SSH1: variants seen among roughly 807,000 people sequenced by gnomAD.
SSH1 encodes the protein protein phosphatase Slingshot homolog 1.
A neutral mutation model predicts 79.7 loss-of-function variants in SSH1; 43 were observed. The ratio of observed to expected loss-of-function variants is 0.54; its 90% CI spans 0.42 to 0.70. SSH1 has a LOEUF of 0.70. SSH1 is among the 30% of genes least tolerant of loss of function. The probability of loss-of-function intolerance (pLI) is 0.00; values close to 1 mark genes in which losing one functional copy is unlikely to be tolerated. For missense variants in SSH1, 1,206 were observed against 1,358.8 expected, an observed-to-expected ratio of 0.89 and a Z score of 1.77; for synonymous variants, 599 against 538.3, an observed-to-expected ratio of 1.11 and a Z score of -1.56.
chr12:108,857,525 G>C lies in SSH1; in HGVS notation c.-29C>G. 1 of 1,113,228 alleles carries C rather than the reference G, an allele frequency of 9.0e-7. No homozygotes were observed. Among genetic ancestry groups the C allele is most frequent in the South Asian group, 1.9e-5 (1 of 52,740 alleles). The allele number at this position is 1,113,228 out of a possible 1,614,324, so 69.0% of individuals were successfully genotyped here. On this transcript the variant is annotated 5_prime_UTR_variant, in exon 1 of 15. Coordinates refer to ENST00000326495, the MANE Select transcript of SSH1 (RefSeq NM_018984.4). This position sits in a 1 kb window ranked among gnomAD's most constrained non-coding sequence, Gnocchi z 4.7. ...TGCGGCGCGGTGCGAGGGCGCCACAGACGTCTCGAGCTAGAGCCGCCACCG... is the reference window on the plus strand; with the variant it reads ...TGCGGCGCGGTGCGAGGGCGCCACACACGTCTCGAGCTAGAGCCGCCACCG...
chr12:108,780,733 A>G lies in SSH1; in HGVS notation c.*7255T>C, dbSNP rs1324269108. The G allele has an allele frequency of 6.6e-6, 1 of 152,204 alleles. No homozygotes were observed. The highest frequency in any genetic ancestry group is 1.5e-5 in the Non-Finnish European group (1 of 68,046). 9.4% of individuals were successfully genotyped at this position (152,204 alleles called of 1,614,324 possible). On this transcript the variant is annotated 3_prime_UTR_variant, in exon 15 of 15. Coordinates refer to ENST00000326495, the MANE Select transcript of SSH1 (RefSeq NM_018984.4). Reference sequence around the variant, plus strand: ...ACAGAGAGGGCTGCATTATAGCTTGATAACACTATTAGAAGCATCCTGTGG... The same window carrying G: ...ACAGAGAGGGCTGCATTATAGCTTGGTAACACTATTAGAAGCATCCTGTGG...
intron 14 of SSH1, among the ~76,000 whole-genome samples, chr12:108,790,434 G>A (rs940859809): frequency 6.6e-6 from 1 of 152,042 alleles, no homozygotes; most frequent in Non-Finnish European, 1.5e-5. Flanking sequence ...ACAGGCGTGC[G>A]GCACCATGCC....
chr12:108,824,787 T>G (rs2038253155), intron 2 of SSH1, among the ~76,000 whole-genome samples: 2 of 152,222 alleles, frequency 1.3e-5, no homozygotes, highest in African/African-American at 2.4e-5. Flanking sequence ...TTCACTTTCA[T>G]GACTTGGCTA....
At chr12:108,826,394 C>T (rs2038309756) in intron 2 of SSH1, 2 of 309,170 alleles carry the variant, frequency 6.5e-6, no homozygotes, top group African/African-American at 4.4e-5. Flanking sequence ...AATCAAGTAA[C>T]AGGCATTTAC....
chr12:108,798,950 T>G (rs772473805), intron 13 of SSH1, 50 bp downstream of exon 13: 1 of 1,599,160 alleles, frequency 6.3e-7, no homozygotes, highest in South Asian at 1.1e-5. Flanking sequence ...CTTGGCCACA[T>G]GGCTGCTCCA....
At chr12:108,796,395 AC>A (rs2036753229) in intron 13 of SSH1, among the ~76,000 whole-genome samples, 1 of 151,532 alleles carries the variant, frequency 6.6e-6, no homozygotes, top group Non-Finnish European at 1.5e-5. Flanking sequence ...CCACCATTCT[AC>A]TCTCTGTGAC....
intron 2 of SSH1, among the ~76,000 whole-genome samples, chr12:108,832,390 T>C (rs1254071580): frequency 1.3e-5 from 2 of 150,410 alleles, no homozygotes; most frequent in East Asian, 3.9e-4. Context: ...TGTGGTCATC[T>C]GGCTAATAAG....
Position 108,806,303 on chromosome 12 carries a change from C to G in SSH1, c.823G>C (p.Glu275Gln). 1.9e-6 allele frequency: 3 copies of G among 1,614,130 alleles called. No homozygotes were observed. The highest frequency in any genetic ancestry group is 2.5e-6 in the Non-Finnish European group (3 of 1,179,988). The change falls in exon 9 of 15, where the codon GAG becomes CAG. Residue 275 changes from glutamate (E) to glutamine (Q), a missense_variant and splice_region_variant. Glu to Gln is a conservative substitution (Grantham distance 29). Coordinates refer to ENST00000326495, the MANE Select transcript of SSH1 (RefSeq NM_018984.4). ...SQDLENVTSKEIRNELEKQMN... is the reference protein window; with the variant it reads ...SQDLENVTSKQIRNELEKQMN... ...AATGAAGGGAGGAGTTGTCTTACCT[C>G]TTTGGAAGTCACATTTTCTAGATCC...
intron 1 of SSH1, 118 bp from the exon 2 acceptor site, chr12:108,852,796 G>A (rs2039070778): frequency 1.3e-6 from 2 of 1,589,826 alleles, no homozygotes; most frequent in South Asian, 2.2e-5. Flanking sequence ...AGGAAACCTA[G>A]CTACTTCTAA....
chr12:108,818,379 A>C, intron 3 of SSH1, 66 bp from the exon 4 acceptor site: 1 of 1,448,330 alleles, frequency 6.9e-7, no homozygotes, highest in Non-Finnish European at 9.7e-7. Context: ...AAAACCTCTG[A>C]AAGGCTGACT....
intron 2 of SSH1, among the ~76,000 whole-genome samples, chr12:108,825,810 C>G (rs1034001120): frequency 6.6e-6 from 1 of 152,314 alleles, no homozygotes; most frequent in South Asian, 2.1e-4. Context: ...TCTTTAGCAT[C>G]CATCTGGCCG....
intron 9 of SSH1, among the ~76,000 whole-genome samples, chr12:108,805,809 G>GA (rs1309339324): frequency 1.3e-5 from 2 of 151,702 alleles, no homozygotes; most frequent in Non-Finnish European, 1.5e-5. Context: ...AAAAGCAATG[G>GA]AAAAAAAAGT....
chr12:108,793,398 CTTTTT>C (rs200848471), intron 13 of SSH1, among the ~76,000 whole-genome samples: 2 of 137,774 alleles, frequency 1.5e-5, no homozygotes, highest in South Asian at 2.4e-4. Context: ...TTTATAATCC[CTTTTT>C]TTTTTTTTTT....
intron 7 of SSH1, among the ~76,000 whole-genome samples, chr12:108,808,961 GTAGCTGGGACTACA>G: frequency 6.6e-6 from 1 of 150,872 alleles, no homozygotes; most frequent in Admixed American, 6.6e-5. Flanking sequence ...AGCCTCCTGA[GTAGCTGGGACTACA>G]GGTGTGTACC....
Position 108,788,418 on chromosome 12 carries a change from T to G in SSH1, c.2720A>C (p.His907Pro). 6.3e-7 allele frequency: 1 copy of G among 1,599,236 alleles called. No individual in the cohort carries two copies. The highest frequency in any genetic ancestry group is 8.5e-7 in the Non-Finnish European group (1 of 1,173,702). ...SPPPFFYRLD[H>P]TSSFSKDFLK... is the part of the protein sequence containing the mutation. ...AAAGTCTTTTGAGAAACTACTGGTG[T>G]GGTCCAGGCGGTAGAAGAAAGGAGG... Residue 907 changes from histidine to proline, a missense_variant, in exon 15 of 15, where the codon CAC becomes CCC. Around this residue, in one of 5 missense-constraint regions of SSH1, gnomAD observed 709 missense variants for 730.6 expected, o/e 0.97. Transcript: ENST00000326495.
rs1204368237 is a variant in SSH1 at position 108,852,726 on chromosome 12, A to G, written c.70-48T>C. The G allele has an allele frequency of 3.1e-6, 5 of 1,613,366 alleles. No homozygotes were observed. In the Admixed American group the frequency reaches 8.3e-5, roughly 27 times the overall value. ...TCACACCACAGGCACCACTGTCAACACGCCTCGGGCGGCAGTCTCACATTT... is the reference window on the plus strand; with the variant it reads ...TCACACCACAGGCACCACTGTCAACGCGCCTCGGGCGGCAGTCTCACATTT... On this transcript the variant is annotated intron_variant, in intron 1 of 14. Coordinates refer to ENST00000326495, the MANE Select transcript of SSH1 (RefSeq NM_018984.4).
In SSH1 at chr12:108,841,840, GTGTA is replaced by G. The variant is rs763298435; in HGVS notation, c.110+10794_110+10797del. ...AAAAAAAAAGTATATATGTGTGTGT[GTGTA>G]TATATATATATATATATAGCTAGGC... is the stretch of plus-strand genomic sequence containing the variant. On this transcript the variant is annotated intron_variant, in intron 2 of 14. Transcript: ENST00000326495. Among the ~76,000 whole-genome samples, 905 of 91,522 alleles carry G rather than the reference GTGTA, an allele frequency of 9.9e-3. 5 individuals carry two copies. The highest frequency in any genetic ancestry group is 0.019 in the South Asian group (44 of 2,264). The allele number at this position is 91,522 out of a possible 152,430, so 60.0% of individuals were successfully genotyped here.
rs555481493 is a variant in SSH1 at position 108,833,546 on chromosome 12, C to T, written c.111-10185G>A. Among the ~76,000 whole-genome samples, 6 of 152,276 alleles carry T rather than the reference C, an allele frequency of 3.9e-5. No individual in the cohort carries two copies. In the South Asian group the frequency reaches 1.0e-3, roughly 26 times the overall value. ...CACCGAGTCCTAACTTTGTCAGAGG[C>T]CCCTCCTTTCAGGTCTCTCAGGCAC... is the stretch of plus-strand genomic sequence containing the variant. On this transcript the variant is annotated intron_variant, in intron 2 of 14. Coordinates refer to ENST00000326495, the MANE Select transcript of SSH1 (RefSeq NM_018984.4).
intron 10 of SSH1, among the ~76,000 whole-genome samples, chr12:108,803,342 AT>A (rs1298746744): frequency 6.6e-6 from 1 of 150,480 alleles, no homozygotes; most frequent in Non-Finnish European, 1.5e-5. Context: ...ACTCCCAAGC[AT>A]TCAAAGGACA....
Sources: allele counts gnomAD v4.1 joint callset (sites outside exome capture counted in the v4.1 genomes callset), GRCh38; gene constraint gnomAD v4.1.1; regional missense constraint gnomAD v4.1.1; non-coding constraint Gnocchi (gnomAD v3.1); transcripts MANE v1.5; gene names NCBI Gene and HGNC (gene_info 2026-07-23, HGNC 2026-07-21).